PCP4: variants seen among roughly 807,000 people sequenced by gnomAD.
PCP4 encodes the protein Purkinje cell protein 4.
A neutral mutation model predicts 10.0 loss-of-function variants in PCP4; 8 were observed. The ratio of observed to expected loss-of-function variants is 0.80; its 90% confidence interval spans 0.47 to 1.45. The LOEUF (loss-of-function observed/expected upper bound fraction) is 1.45, where lower values mean the gene tolerates loss of function less well. Ranked by LOEUF, PCP4 falls within the 40% of genes most tolerant of loss-of-function variation. The pLI is 0.00. For missense variants in PCP4, 54 were observed against 74.4 expected (o/e 0.73, Z 1.01); for synonymous variants, 21 against 23.0 (o/e 0.91, Z 0.24).
chr21:39,924,908 G>T (rs934330129), intron 2 of PCP4, among the ~76,000 whole-genome samples: 6 of 152,156 alleles, frequency 3.9e-5, no homozygotes, highest in African/African-American at 1.4e-4. Context: ...TTAGAAACCC[G>T]CCTGGAGCTT....
chr21:39,905,163 G>A (rs1011213873), intron 2 of PCP4, among the ~76,000 whole-genome samples: 2 of 152,064 alleles, frequency 1.3e-5, no homozygotes, highest in Admixed American at 6.6e-5. Flanking sequence ...GGGTGGTGGC[G>A]CCTTCAAGGT....
At chr21:39,888,652 T>C (rs2087413739) in intron 1 of PCP4, among the ~76,000 whole-genome samples, 1 of 152,142 alleles carries the variant, frequency 6.6e-6, no homozygotes, top group African/African-American at 2.4e-5. Context: ...CATTCTTGGG[T>C]CTCAGCTCCT....
chr21:39,916,925 A>T (rs989502515), intron 2 of PCP4, among the ~76,000 whole-genome samples: 7 of 152,170 alleles, frequency 4.6e-5, no homozygotes, highest in African/African-American at 1.7e-4. Context: ...GGGGGAGAAC[A>T]ATACACACTG....
Position 39,929,369 on chromosome 21 carries a change from T to C in PCP4, c.*258T>C, listed in dbSNP as rs749184412. The C allele has an allele frequency of 1.9e-5, 6 of 309,716 alleles. No individual in the cohort carries two copies. Among genetic ancestry groups the C allele is most frequent in the Non-Finnish European group, 2.9e-5 (5 of 170,198 alleles). 19.2% of individuals were successfully genotyped at this position (309,716 alleles called of 1,614,324 possible). A position where few individuals can be genotyped will look rare whatever the true frequency, so the allele number is the denominator to read the frequency against. On this transcript the variant is annotated 3_prime_UTR_variant, in exon 3 of 3. Transcript: ENST00000328619. ...GCAACTATTTTCCTTGATGTTGTAATAAAATGAAGTTACGATGAGTGAATT... is the reference window on the plus strand; with the variant it reads ...GCAACTATTTTCCTTGATGTTGTAACAAAATGAAGTTACGATGAGTGAATT...
chr21:39,922,500 G>T (rs1359713491), intron 2 of PCP4, among the ~76,000 whole-genome samples: 2 of 152,208 alleles, frequency 1.3e-5, no homozygotes. Flanking sequence ...GGACTGTTTT[G>T]CTTCCTAGTG....
intron 1 of PCP4, among the ~76,000 whole-genome samples, chr21:39,874,356 A>G (rs967977102): frequency 6.6e-6 from 1 of 152,198 alleles, no homozygotes; most frequent in African/African-American, 2.4e-5. Flanking sequence ...CGACGGTTTG[A>G]TAGCAAAATG....
At chr21:39,921,742 A>C (rs2087597630) in intron 2 of PCP4, among the ~76,000 whole-genome samples, 1 of 152,204 alleles carries the variant, frequency 6.6e-6, no homozygotes, top group Admixed American at 6.5e-5. Flanking sequence ...CCTCACGAGA[A>C]ACCACACCTG....
intron 1 of PCP4, among the ~76,000 whole-genome samples, chr21:39,880,358 T>A (rs757978044): frequency 1.8e-4 from 27 of 152,196 alleles, no homozygotes; most frequent in Non-Finnish European, 3.4e-4. Context: ...TGTTCAAGCA[T>A]CAGCTTGGCT....
chr21:39,877,277 A>G (rs1314110413), intron 1 of PCP4, among the ~76,000 whole-genome samples: 3 of 152,308 alleles, frequency 2.0e-5, no homozygotes. Flanking sequence ...TTTGTTCATC[A>G]GGTCTTCCAC....
chr21:39,869,854 C>T (rs2087311538), intron 1 of PCP4, among the ~76,000 whole-genome samples: 1 of 152,204 alleles, frequency 6.6e-6, no homozygotes. Flanking sequence ...GCTTTCAGAT[C>T]ATCATTTACT....
intron 2 of PCP4, among the ~76,000 whole-genome samples, chr21:39,920,842 C>T (rs549974807): frequency 9.2e-5 from 14 of 152,222 alleles, no homozygotes; most frequent in Non-Finnish European, 1.6e-4. Context: ...TTCCCACCAT[C>T]CGTGAAGAGC....
intron 2 of PCP4, among the ~76,000 whole-genome samples, chr21:39,916,628 GA>G (rs2087569741): frequency 6.6e-6 from 1 of 152,172 alleles, no homozygotes; most frequent in African/African-American, 2.4e-5. Flanking sequence ...TACCCAAAGG[GA>G]TATAAATCAT....
At chr21:39,879,953 C>T (rs1348495695) in intron 1 of PCP4, among the ~76,000 whole-genome samples, 2 of 152,164 alleles carry the variant, frequency 1.3e-5, no homozygotes, top group African/African-American at 4.8e-5. Context: ...AGTGGTCCCC[C>T]TTGGACCGCA....
At chr21:39,877,194 A>C (rs956951668) in intron 1 of PCP4, among the ~76,000 whole-genome samples, 1 of 152,316 alleles carries the variant, frequency 6.6e-6, no homozygotes, top group East Asian at 1.9e-4. Flanking sequence ...TATTAAATTA[A>C]AATTGTCCTG....
At chr21:39,917,316 A>G (rs376380399) in intron 2 of PCP4, among the ~76,000 whole-genome samples, 1 of 152,310 alleles carries the variant, frequency 6.6e-6, no homozygotes, top group African/African-American at 2.4e-5. Context: ...GCTTACCAGA[A>G]GGTGGGATCT....
rs950913581 is a variant in PCP4 at position 39,906,307 on chromosome 21, G to A, written c.61+7780G>A. On this transcript the variant is annotated intron_variant, in intron 2 of 2. Coordinates refer to ENST00000328619, the MANE Select transcript of PCP4 (RefSeq NM_006198.3). The surrounding 1 kb of genome is among the most constrained non-coding windows in gnomAD (Gnocchi z 6.3). ...TGGATGGGCTGTGGTCTAAGCCCCT[G>A]GAACAGAATAAAGTTAATGGGCTAC... Among the ~76,000 whole-genome samples, 1 of 152,140 alleles carries A rather than the reference G, an allele frequency of 6.6e-6. No individual in the cohort carries two copies. Among genetic ancestry groups the A allele is most frequent in the Non-Finnish European group, 1.5e-5 (1 of 68,028 alleles).
At chr21:39,917,389 C>T (rs1214397645) in intron 2 of PCP4, among the ~76,000 whole-genome samples, 1 of 152,170 alleles carries the variant, frequency 6.6e-6, no homozygotes, top group East Asian at 1.9e-4. Flanking sequence ...GTGCACCTGC[C>T]TGGCCAGCCC....
intron 1 of PCP4, among the ~76,000 whole-genome samples, chr21:39,898,005 C>T (rs961026735): frequency 7.1e-5 from 10 of 141,822 alleles, no homozygotes; most frequent in African/African-American, 8.0e-5. Flanking sequence ...AAGATTGCGC[C>T]GCTGCACTCC....
chr21:39,926,499 AG>A (rs35737261), intron 2 of PCP4, among the ~76,000 whole-genome samples: 152,343 of 152,346 alleles, frequency 1, 76,170 homozygotes, highest in Middle Eastern at 1. Context: ...ACTTGGAATC[AG>A]GAGTGAATTT....
Sources: allele counts gnomAD v4.1 joint callset (sites outside exome capture counted in the v4.1 genomes callset), GRCh38; gene constraint gnomAD v4.1.1; non-coding constraint Gnocchi (gnomAD v3.1); transcripts MANE v1.5; gene names NCBI Gene and HGNC (gene_info 2026-07-23, HGNC 2026-07-21).